Variants in KCNIP2 observed in about 807,000 individuals in gnomAD.
KCNIP2 encodes potassium voltage-gated channel interacting protein 2, also known as A-type potassium channel modulatory protein KCNIP2.
KCNIP2 carries 19 observed loss-of-function variants against 39.0 expected under a neutral mutation model. The ratio of observed to expected loss-of-function variants is 0.49; its 90% CI spans 0.34 to 0.71. KCNIP2 has a LOEUF of 0.71. Ranked by LOEUF, KCNIP2 falls within the 30% of genes least tolerant of loss-of-function variation. The pLI, the probability that KCNIP2 is intolerant of heterozygous loss-of-function variation, is 0.01. For missense variants in KCNIP2, 261 were observed against 346.0 expected (o/e 0.75, Z 1.95); for synonymous variants, 111 against 131.2 (o/e 0.85, Z 1.05).
At position 101,828,673 on chromosome 10, in the gene KCNIP2, A is replaced by G; in HGVS notation, c.372T>C (p.Asn124=). The change falls in exon 5 of 10, where the codon AAT becomes AAC. Residue 124 remains asparagine, a synonymous_variant. Transcript: ENST00000356640. This position sits in a 1 kb window ranked among gnomAD's most constrained non-coding sequence, Gnocchi z 6.6. ...FKNECPSGIV[N]EENFKQIYSQ... is the part of the protein sequence containing the mutation. ...AGTAAATCTGCTTGAAGTTCTCCTC[A>G]TTGACAATTCCGCTGGGACATTCCT... is the stretch of plus-strand genomic sequence containing the variant. 1.2e-6 allele frequency: 2 copies of G among 1,614,078 alleles called. No homozygotes were observed. The highest frequency in any genetic ancestry group is 1.7e-6 in the Non-Finnish European group (2 of 1,180,010).
At chr10:101,827,469 G>A (rs1420596532) in intron 9 of KCNIP2, 69 bp from the exon 10 acceptor site, 1 of 1,490,534 alleles carries the variant, frequency 6.7e-7, no homozygotes, top group African/African-American at 1.4e-5. Flanking sequence ...GAGACAGTGA[G>A]AGGGACACTG....
At position 101,827,336 on chromosome 10, in the gene KCNIP2, A is replaced by T. The variant is rs1232265516; in HGVS notation, c.*17T>A. The T allele has an allele frequency of 6.3e-7, 1 of 1,594,012 alleles. No homozygotes were observed. The highest frequency in any genetic ancestry group is 1.7e-5 in the Admixed American group (1 of 58,648). On this transcript the variant is annotated 3_prime_UTR_variant, in exon 10 of 10. Transcript: ENST00000356640. ...AGCATGGTCCCCCCAGGAAACACTG[A>T]CCCCCTCTCCTGGGGGCTAGATGAC...
At position 101,829,000 on chromosome 10, in the gene KCNIP2, C is replaced by T; in HGVS notation, c.348+75G>A. 3 of 1,575,750 alleles carry T rather than the reference C, an allele frequency of 1.9e-6. No individual in the cohort carries two copies. The highest frequency in any genetic ancestry group is 2.6e-6 in the Non-Finnish European group (3 of 1,158,238). ...CCACACCTCAAGCATCCAAGCCATG[C>T]TTTCTGGGAAGCTGTGGACCGGCTT... On this transcript the variant is annotated intron_variant, in intron 4 of 9. Transcript: ENST00000356640. The surrounding 1 kb of genome is among the most constrained non-coding windows in gnomAD (Gnocchi z 6.6).
At chr10:101,833,417 G>C (rs2066054983) in intron 1 of KCNIP2, among the ~76,000 whole-genome samples, 1 of 152,060 alleles carries the variant, frequency 6.6e-6, no homozygotes, top group Non-Finnish European at 1.5e-5. Flanking sequence ...AGGGGACTTG[G>C]GAAGCAGGGT....
At position 101,839,639 on chromosome 10, in the gene KCNIP2, G is replaced by A. The variant is rs371137191; in HGVS notation, c.73+3857C>T. 1.1e-5 allele frequency: 10 copies of A among 950,520 alleles called. No individual in the cohort carries two copies. The East Asian group carries it at 1.2e-4, about 12-fold the overall frequency. The allele number at this position is 950,520 out of a possible 1,614,324, so 58.9% of individuals were successfully genotyped here. On this transcript the variant is annotated intron_variant, in intron 1 of 9. Transcript: ENST00000356640. ...TTGGAAGCCCTTTCCTTGGAGGGATGTTGCTCCCTCCATCTATTTGAGGGG... is the reference window on the plus strand; with the variant it reads ...TTGGAAGCCCTTTCCTTGGAGGGATATTGCTCCCTCCATCTATTTGAGGGG...
rs767843104 is a variant in KCNIP2 at position 101,827,900 on chromosome 10, T to G, written c.691A>C (p.Ser231Arg). 1 of 1,613,052 alleles carries G rather than the reference T, an allele frequency of 6.2e-7. No individual in the cohort carries two copies. The highest frequency in any genetic ancestry group is 8.5e-7 in the Non-Finnish European group (1 of 1,179,074). ...REEAPREHVE[S>R]FFQKMDRNKD... ...CCACTCCCAAGTACCTGGAAGAAGC[T>G]CTCCACGTGTTCCCTTGGGGCCTCC... The change falls in exon 8 of 10, where the codon AGC (serine) becomes CGC (arginine). Residue 231 changes from serine to arginine, a missense_variant. Coordinates refer to ENST00000356640, the MANE Select transcript of KCNIP2 (RefSeq NM_173191.3).
At chr10:101,827,646 C>G (rs781654565) in intron 9 of KCNIP2, 43 bp downstream of exon 9, 4 of 1,609,330 alleles carry the variant, frequency 2.5e-6, no homozygotes, top group East Asian at 4.5e-5. Context: ...CTAAATCAGG[C>G]CTGAGTCCAG....
chr10:101,828,927 A>T lies in KCNIP2; in HGVS notation c.348+148T>A. 1 of 1,503,666 alleles carries T rather than the reference A, an allele frequency of 6.7e-7. No individual in the cohort carries two copies. The highest frequency in any genetic ancestry group is 8.9e-7 in the Non-Finnish European group (1 of 1,120,110). 93.1% of individuals were successfully genotyped at this position (1,503,666 alleles called of 1,614,324 possible). A position where few individuals can be genotyped will look rare whatever the true frequency, so the allele number is the denominator to read the frequency against. On this transcript the variant is annotated intron_variant, in intron 4 of 9. Transcript: ENST00000356640. This position sits in a 1 kb window ranked among gnomAD's most constrained non-coding sequence, Gnocchi z 6.6. ...GCCACTTCCGTTCTGGCCCCGCCCCAGAACCTCCAGCTAGAAGTTCAGTCT... is the reference window on the plus strand; with the variant it reads ...GCCACTTCCGTTCTGGCCCCGCCCCTGAACCTCCAGCTAGAAGTTCAGTCT...
At chr10:101,831,862 A>G (rs1387180747) in intron 1 of KCNIP2, among the ~76,000 whole-genome samples, 2 of 152,180 alleles carry the variant, frequency 1.3e-5, no homozygotes, top group African/African-American at 2.4e-5. Context: ...ATTATGAGAC[A>G]TATCAAGGTT....
rs1278400200 is a variant in KCNIP2 at position 101,828,341 on chromosome 10, C to T, written c.489+48G>A. On this transcript the variant is annotated intron_variant, in intron 6 of 9. Transcript: ENST00000356640. This position sits in a 1 kb window ranked among gnomAD's most constrained non-coding sequence, Gnocchi z 6.6. ...CTGGGTTTGGCCTGGAGATCCTGGC[C>T]CTGAACTCCAGGAAACAGGCTTCCC... 1 of 1,612,204 alleles carries T rather than the reference C, an allele frequency of 6.2e-7. No homozygotes were observed. Among genetic ancestry groups the T allele is most frequent in the Non-Finnish European group, 8.5e-7 (1 of 1,178,350 alleles).
intron 2 of KCNIP2, chr10:101,830,582 A>G (rs1483633592): frequency 1.7e-6 from 1 of 577,740 alleles, no homozygotes; most frequent in African/African-American, 2.0e-5. Context: ...CCAACTGACC[A>G]CGCCCACACA....
rs755220415 is a variant in KCNIP2, at chr10:101,828,882, G to A, written c.349-186C>T. ...AGTGCACAAATAAAAAACATGGAACGAAACTGACAGTCTACAGGCGCCACT... is the reference window on the plus strand; with the variant it reads ...AGTGCACAAATAAAAAACATGGAACAAAACTGACAGTCTACAGGCGCCACT... On this transcript the variant is annotated intron_variant, in intron 4 of 9. Coordinates refer to ENST00000356640, the MANE Select transcript of KCNIP2 (RefSeq NM_173191.3). The surrounding 1 kb of genome is among the most constrained non-coding windows in gnomAD (Gnocchi z 6.6). 79 of 1,543,200 alleles carry A rather than the reference G, an allele frequency of 5.1e-5. No individual in the cohort carries two copies. Among genetic ancestry groups the A allele is most frequent in the Non-Finnish European group, 6.4e-5 (73 of 1,143,674 alleles).
rs1388553852 is a variant in KCNIP2 at position 101,838,110 on chromosome 10, A to T, written c.73+5386T>A. Among the ~76,000 whole-genome samples the T allele has an allele frequency of 6.6e-6, 1 of 152,210 alleles. No individual in the cohort carries two copies. The highest frequency in any genetic ancestry group is 1.9e-4 in the East Asian group (1 of 5,194). ...TCCAGGCTGTCCCTTCTCCCCACTC[A>T]GAGACTTCTCAAGTCCTCGGGTTCA... On this transcript the variant is annotated intron_variant, in intron 1 of 9. Transcript: ENST00000356640. This position sits in a 1 kb window ranked among gnomAD's most constrained non-coding sequence, Gnocchi z 4.0.
At chr10:101,837,433 G>A (rs2135192475) in intron 1 of KCNIP2, among the ~76,000 whole-genome samples, 1 of 152,252 alleles carries the variant, frequency 6.6e-6, no homozygotes, top group Non-Finnish European at 1.5e-5. Flanking sequence ...CACTTTGGGA[G>A]GCCGAGGCGG....
At position 101,828,466 on chromosome 10, in the gene KCNIP2, G is replaced by A. The variant is rs2065825882; in HGVS notation, c.419-7C>T. 1 of 1,613,840 alleles carries A rather than the reference G, an allele frequency of 6.2e-7. No individual in the cohort carries two copies. The stretch of plus-strand genomic sequence containing the variant: ...GTGGCATAGGTGCTGGAGTCTGCAG[G>A]GTGAGTGTGGAGAAGTTGGCTTCCA... On this transcript the variant is annotated splice_region_variant and splice_polypyrimidine_tract_variant and intron_variant, in intron 5 of 9. Coordinates refer to ENST00000356640, the MANE Select transcript of KCNIP2 (RefSeq NM_173191.3). The surrounding 1 kb of genome is among the most constrained non-coding windows in gnomAD (Gnocchi z 6.6).
At chr10:101,834,357 CTT>C in intron 1 of KCNIP2, 1 of 399,264 alleles carries the variant, frequency 2.5e-6, no homozygotes, top group Non-Finnish European at 4.4e-6. Flanking sequence ...ATCTCCAGCC[CTT>C]CCAGGTTCAT....
intron 1 of KCNIP2, among the ~76,000 whole-genome samples, chr10:101,834,561 G>A (rs944469929): frequency 1.3e-4 from 20 of 150,984 alleles, no homozygotes; most frequent in African/African-American, 3.1e-4. Flanking sequence ...AACCACAGCC[G>A]CCGCCTCTTC....
intron 1 of KCNIP2, among the ~76,000 whole-genome samples, chr10:101,833,195 C>T (rs2066049964): frequency 6.6e-6 from 1 of 151,784 alleles, no homozygotes; most frequent in African/African-American, 2.4e-5. Context: ...TGGGGAACAG[C>T]CATGCTACGG....
In KCNIP2 at chr10:101,829,171, G is replaced by A; in HGVS notation, c.252C>T (p.Ser84=). 1 of 1,614,018 alleles carries A rather than the reference G, an allele frequency of 6.2e-7. No homozygotes were observed. Among genetic ancestry groups the A allele is most frequent in the Admixed American group, 1.7e-5 (1 of 60,002 alleles). The change falls in exon 4 of 10, where the codon TCC becomes TCT. Residue 84 remains serine, a synonymous_variant. Coordinates refer to ENST00000356640, the MANE Select transcript of KCNIP2 (RefSeq NM_173191.3). ...GACCCTCAGGCCGGTGACACACGGT[G>A]GACAATTCAAATTCATCGTCCACGC... ...PDSVDDEFEL[S]TVCHRPEGLE...
Sources: gnomAD v4.1 joint callset for allele counts (sites outside exome capture counted in the v4.1 genomes callset) on GRCh38, gnomAD v4.1.1 for gene constraint, Gnocchi (gnomAD v3.1) non-coding constraint, MANE v1.5 for transcripts, NCBI Gene and HGNC (gene_info 2026-07-23, HGNC 2026-07-21) for gene names.